LRRC4B: variants seen among roughly 807,000 people sequenced by gnomAD.
LRRC4B encodes leucine-rich repeat-containing protein 4B.
A neutral mutation model predicts 7.3 loss-of-function variants in LRRC4B; 1 was observed. That is an observed-to-expected ratio of 0.14 (90% CI 0.05 to 0.65). The LOEUF is 0.65. Among genes scored for constraint, LRRC4B ranks in the 30% least tolerant of loss-of-function variants. The pLI is 0.84. For synonymous variants in LRRC4B, 500 were observed against 499.2 expected, an observed-to-expected ratio of 1.00 and a Z score of -0.02; for missense variants, 730 against 1,041.6, an observed-to-expected ratio of 0.70 and a Z score of 4.12.
intron 2 of LRRC4B, among the ~76,000 whole-genome samples, chr19:50,531,874 C>T (rs1030491876): frequency 5.3e-5 from 8 of 152,112 alleles, no homozygotes; most frequent in Non-Finnish European, 7.4e-5. Flanking sequence ...TGGGACATGG[C>T]GAGCATGCAG....
rs1173190499 is a variant in LRRC4B at position 50,518,409 on chromosome 19, G to A, written c.1304C>T (p.Thr435Met). 6.3e-7 allele frequency: 1 copy of A among 1,575,894 alleles called. No individual in the cohort carries two copies. The highest frequency in any genetic ancestry group is 1.2e-5 in the South Asian group (1 of 84,246). ...GCCGGCTGAGTTCGTCACCATGCAC[G>A]TGTACTGGCCCGTGTCCTGCACGGT... ...NVTVQDTGQY[T>M]CMVTNSAGNT... Residue 435 changes from threonine to methionine, a missense_variant, in exon 3 of 3, where the codon ACG becomes ATG. Around this residue, in one of 6 missense-constraint regions of LRRC4B, gnomAD observed 192 missense variants for 228.6 expected, o/e 0.84. Transcript: ENST00000652263.
At position 50,549,844 on chromosome 19, in the gene LRRC4B, C is replaced by T. The variant is rs1981978346; in HGVS notation, c.-35-971G>A. ...ACTCATGCCAGCTGCTGCCGCAGGACCGAGCTTGGTTCTCGGGGAGGGGAT... is the reference window on the plus strand; with the variant it reads ...ACTCATGCCAGCTGCTGCCGCAGGATCGAGCTTGGTTCTCGGGGAGGGGAT... On this transcript the variant is annotated intron_variant, in intron 1 of 2. Coordinates refer to ENST00000652263, the MANE Select transcript of LRRC4B (RefSeq NM_001080457.2). Among the ~76,000 whole-genome samples, 6 of 152,226 alleles carry T rather than the reference C, an allele frequency of 3.9e-5. No homozygotes were observed. The South Asian group carries it at 1.2e-3, about 32-fold the overall frequency.
At chr19:50,544,980 G>A (rs1437270890) in intron 2 of LRRC4B, among the ~76,000 whole-genome samples, 1 of 151,722 alleles carries the variant, frequency 6.6e-6, no homozygotes, top group Non-Finnish European at 1.5e-5. Context: ...GACGTGGTGG[G>A]TGGCGCCTGT....
intron 2 of LRRC4B, among the ~76,000 whole-genome samples, chr19:50,522,463 T>TTTATTTAC (rs984244730): frequency 4.4e-4 from 45 of 101,900 alleles, no homozygotes; most frequent in African/African-American, 7.4e-4. Context: ...TTATTTATTA[T>TTTATTTAC]TTATTTATTT....
At chr19:50,523,181 G>A (rs1356601250) in intron 2 of LRRC4B, among the ~76,000 whole-genome samples, 4 of 152,200 alleles carry the variant, frequency 2.6e-5, no homozygotes, top group Non-Finnish European at 1.5e-5. Flanking sequence ...CACGCCGGGT[G>A]CACTGAGGCC....
intron 2 of LRRC4B, among the ~76,000 whole-genome samples, chr19:50,538,712 G>C (rs1422257121): frequency 6.6e-6 from 1 of 151,814 alleles, no homozygotes; most frequent in Non-Finnish European, 1.5e-5. Flanking sequence ...GGGACTACAG[G>C]TGCGTGCCAC....
In LRRC4B at chr19:50,530,169, C is replaced by T. The variant is rs1336126462; in HGVS notation, c.298-10754G>A. Among the ~76,000 whole-genome samples, 3 of 152,286 alleles carry T rather than the reference C, an allele frequency of 2.0e-5. No homozygotes were observed. The East Asian group carries it at 5.8e-4, about 29-fold the overall frequency. On this transcript the variant is annotated intron_variant, in intron 2 of 2. Transcript: ENST00000652263. ...TCCCTGGGCCCGCCGCAGCCTCCTG[C>T]CTGGGCTTCAGTCTCTCCCCTCCAG... is the stretch of plus-strand genomic sequence containing the variant.
chr19:50,529,866 TG>T (rs1254263016), intron 2 of LRRC4B, among the ~76,000 whole-genome samples: 5 of 152,206 alleles, frequency 3.3e-5, no homozygotes, highest in Non-Finnish European at 7.4e-5. Flanking sequence ...AAGAGCCCCC[TG>T]GAACTTTCCC....
intron 2 of LRRC4B, among the ~76,000 whole-genome samples, chr19:50,532,404 G>A (rs1013383803): frequency 2.0e-5 from 3 of 152,048 alleles, no homozygotes; most frequent in Admixed American, 6.6e-5. Flanking sequence ...TATCACCCTC[G>A]ACAAAGTGTC....
chr19:50,535,082 A>C (rs188319522), intron 2 of LRRC4B, among the ~76,000 whole-genome samples: 51 of 152,122 alleles, frequency 3.4e-4, no homozygotes, highest in Admixed American at 8.5e-4. Context: ...GTTAGCCAGG[A>C]TGGTCTCGAT....
At chr19:50,535,456 A>G (rs1981240657) in intron 2 of LRRC4B, among the ~76,000 whole-genome samples, 1 of 152,186 alleles carries the variant, frequency 6.6e-6, no homozygotes, top group Non-Finnish European at 1.5e-5. Context: ...ACAGACGTGA[A>G]CCACTGCACT....
chr19:50,535,735 G>A (rs771290669), intron 2 of LRRC4B, among the ~76,000 whole-genome samples: 6 of 152,106 alleles, frequency 3.9e-5, no homozygotes, highest in Admixed American at 6.5e-5. Context: ...ACACTGACCC[G>A]GCTCAGGCCT....
intron 2 of LRRC4B, among the ~76,000 whole-genome samples, chr19:50,522,596 C>G (rs1305408709): frequency 6.6e-6 from 1 of 152,138 alleles, no homozygotes; most frequent in East Asian, 1.9e-4. Flanking sequence ...CCTGCCTCAG[C>G]CTCACAAGTA....
At chr19:50,565,164 G>A (rs1005410179) in intron 1 of LRRC4B, among the ~76,000 whole-genome samples, 1 of 152,144 alleles carries the variant, frequency 6.6e-6, no homozygotes, top group Non-Finnish European at 1.5e-5. Context: ...TGCCTCCGAC[G>A]CTGGCACTCG....
At chr19:50,530,798 G>C (rs1425928284) in intron 2 of LRRC4B, among the ~76,000 whole-genome samples, 2 of 151,614 alleles carry the variant, frequency 1.3e-5, no homozygotes, top group African/African-American at 4.8e-5. Flanking sequence ...GGGCAGTGGC[G>C]CCATCTTGGC....
intron 2 of LRRC4B, among the ~76,000 whole-genome samples, chr19:50,523,443 C>T (rs991548284): frequency 1.1e-4 from 16 of 147,330 alleles, no homozygotes; most frequent in Non-Finnish European, 2.2e-4. Flanking sequence ...TTAGGTAGGC[C>T]GAGGCGGGCA....
In LRRC4B at chr19:50,556,800, T is replaced by C. The variant is rs559681013; in HGVS notation, c.-35-7927A>G. 6.7e-6 allele frequency among the ~76,000 whole-genome samples: 1 copy of C among 149,430 alleles called. No individual in the cohort carries two copies. Among genetic ancestry groups the C allele is most frequent in the South Asian group, 2.1e-4 (1 of 4,740 alleles). ...TGCTGGCACCCGAGGCAAGGAGCCC[T>C]GGGTCTCTAGGGAGGCAAGTGTGGG... On this transcript the variant is annotated intron_variant, in intron 1 of 2. Transcript: ENST00000652263. This position sits in a 1 kb window ranked among gnomAD's most constrained non-coding sequence, Gnocchi z 4.2.
At chr19:50,557,286 G>A (rs556463925) in intron 1 of LRRC4B, among the ~76,000 whole-genome samples, 27 of 152,266 alleles carry the variant, frequency 1.8e-4, no homozygotes, top group Non-Finnish European at 3.1e-4. Context: ...GCAGTTACGG[G>A]GAGAAGAGAA....
In LRRC4B at chr19:50,548,575, C is replaced by T. The variant is rs531091448; in HGVS notation, c.264G>A (p.Thr88=). 8.1e-6 allele frequency: 13 copies of T among 1,601,956 alleles called. No individual in the cohort carries two copies. The highest frequency in any genetic ancestry group is 2.7e-5 in the African/African-American group (2 of 74,996). ...AEVPASIPVN[T]RYLNLQENGI... is the part of the protein sequence containing the mutation. ...CGTTCTCTTGCAGGTTCAGGTACCG[C>T]GTGTTGACCGGGATGCTGGCTGGGA... The change falls in exon 2 of 3, where the codon ACG becomes ACA. Residue 88 remains threonine (T), a synonymous_variant. Transcript: ENST00000652263. This position sits in a 1 kb window ranked among gnomAD's most constrained non-coding sequence, Gnocchi z 6.8.
Sources: gnomAD v4.1 joint callset for allele counts (sites outside exome capture counted in the v4.1 genomes callset) on GRCh38, gnomAD v4.1.1 for gene constraint, gnomAD v4.1.1 regional missense constraint, Gnocchi (gnomAD v3.1) non-coding constraint, MANE v1.5 for transcripts, NCBI Gene and HGNC (gene_info 2026-07-23, HGNC 2026-07-21) for gene names.